DOCK3: variants seen among roughly 807,000 people sequenced by gnomAD.
DOCK3 encodes dedicator of cytokinesis 3.
DOCK3 carries 60 observed loss-of-function variants against 265.6 expected under a neutral mutation model. The observed-to-expected ratio is 0.23, with a 90% confidence interval of 0.18 to 0.28. The LOEUF is 0.28. Ranked by LOEUF, DOCK3 falls within the 10% of genes least tolerant of loss-of-function variation. The probability of loss-of-function intolerance (pLI) is 1.00; values close to 1 mark genes in which losing one functional copy is unlikely to be tolerated. For synonymous variants in DOCK3, 881 were observed against 938.0 expected, an observed-to-expected ratio of 0.94 and a Z score of 1.11; for missense variants, 1,981 against 2,594.3, an observed-to-expected ratio of 0.76 and a Z score of 5.14.
intron 1 of DOCK3, among the ~76,000 whole-genome samples, chr3:50,698,822 A>G (rs1216810263): frequency 6.6e-6 from 1 of 151,508 alleles, no homozygotes; most frequent in Non-Finnish European, 1.5e-5. Context: ...TTCACTGTTC[A>G]GTTCCTTTGC....
At chr3:50,692,225 G>T (rs1372301233) in intron 1 of DOCK3, among the ~76,000 whole-genome samples, 4 of 152,046 alleles carry the variant, frequency 2.6e-5, no homozygotes, top group African/African-American at 9.7e-5. Flanking sequence ...CCTCAATTTT[G>T]TTTTTGTTTT....
intron 5 of DOCK3, among the ~76,000 whole-genome samples, chr3:50,978,514 A>AGCT (rs769238842): frequency 6.6e-6 from 1 of 152,166 alleles, no homozygotes; most frequent in African/African-American, 2.4e-5. Context: ...TCAGATCTCC[A>AGCT]GCTGCGTACT....
intron 27 of DOCK3, among the ~76,000 whole-genome samples, chr3:51,287,670 AC>A (rs1421164417): frequency 2.0e-5 from 3 of 152,236 alleles, no homozygotes; most frequent in Non-Finnish European, 4.4e-5. Flanking sequence ...AAGAGGGAAC[AC>A]TTATACACTG....
intron 33 of DOCK3, among the ~76,000 whole-genome samples, chr3:51,331,105 G>T (rs1352328553): frequency 6.6e-6 from 1 of 152,160 alleles, no homozygotes. Context: ...CCTCCCACTT[G>T]AGAGATAAAG....
At chr3:51,015,286 A>G (rs2079107754) in intron 5 of DOCK3, among the ~76,000 whole-genome samples, 1 of 152,040 alleles carries the variant, frequency 6.6e-6, no homozygotes, top group South Asian at 2.1e-4. Context: ...TATGGCTTTT[A>G]CTGTGTTGAA....
chr3:50,783,858 A>G (rs949264793), intron 2 of DOCK3, among the ~76,000 whole-genome samples: 2 of 146,754 alleles, frequency 1.4e-5, no homozygotes, highest in Non-Finnish European at 3.0e-5. Context: ...TCTTTGATCC[A>G]TCTTGAGTTG....
intron 4 of DOCK3, among the ~76,000 whole-genome samples, chr3:50,912,677 C>G (rs183947135): frequency 2.8e-4 from 42 of 152,240 alleles, no homozygotes; most frequent in Non-Finnish European, 2.9e-5. Flanking sequence ...TCCCCCTTTT[C>G]CCTCCCTTTT....
intron 2 of DOCK3, among the ~76,000 whole-genome samples, chr3:50,780,862 A>G (rs1342673514): frequency 6.6e-6 from 1 of 151,898 alleles, no homozygotes; most frequent in Non-Finnish European, 1.5e-5. Flanking sequence ...TCCTTCATTC[A>G]GGTTTTTTTT....
At chr3:50,899,302 C>A (rs1263054395) in intron 4 of DOCK3, among the ~76,000 whole-genome samples, 1 of 152,016 alleles carries the variant, frequency 6.6e-6, no homozygotes, top group Non-Finnish European at 1.5e-5. Flanking sequence ...ACTGCAACCT[C>A]TGTTTTTTTC....
intron 5 of DOCK3, among the ~76,000 whole-genome samples, chr3:51,049,805 ACACACACACACACACACACACACC>A (rs1484993480): frequency 6.8e-6 from 1 of 146,552 alleles, no homozygotes; most frequent in Non-Finnish European, 1.5e-5. Flanking sequence ...ACACACACAC[ACACACACACACACACACACACACC>A]CCAAAAAAAC....
chr3:50,982,629 G>T (rs1465042771), intron 5 of DOCK3, among the ~76,000 whole-genome samples: 1 of 152,246 alleles, frequency 6.6e-6, no homozygotes, highest in Non-Finnish European at 1.5e-5. Flanking sequence ...ACAGGGAGGA[G>T]GTGGAGCTGG....
At chr3:51,302,496 G>T (rs892837469) in intron 27 of DOCK3, among the ~76,000 whole-genome samples, 29 of 151,788 alleles carry the variant, frequency 1.9e-4, no homozygotes, top group African/African-American at 6.3e-4. Flanking sequence ...TTGCAGACTT[G>T]TTGATGTAGT....
At chr3:51,341,157 C>T (rs2085211830) in intron 37 of DOCK3, 80 bp from the exon 38 acceptor site, 1 of 1,476,848 alleles carries the variant, frequency 6.8e-7, no homozygotes, top group Non-Finnish European at 9.0e-7. Flanking sequence ...TTCTGCCCAG[C>T]ATAGTCCTCT....
chr3:50,780,104 A>G (rs984334805), intron 2 of DOCK3, among the ~76,000 whole-genome samples: 1 of 152,222 alleles, frequency 6.6e-6, no homozygotes, highest in Non-Finnish European at 1.5e-5. Flanking sequence ...AGGGAGCTAC[A>G]CGTACCGTTT....
chr3:51,283,801 C>A (rs2081267607), intron 27 of DOCK3, among the ~76,000 whole-genome samples: 1 of 152,112 alleles, frequency 6.6e-6, no homozygotes, highest in Non-Finnish European at 1.5e-5. Context: ...ACAAAGGGGA[C>A]TGGCATATGT....
intron 4 of DOCK3, among the ~76,000 whole-genome samples, chr3:50,919,516 G>A (rs7653228): frequency 0.046 from 7,016 of 152,070 alleles, 582 homozygotes; most frequent in African/African-American, 0.16. Flanking sequence ...CTTTCAAGCA[G>A]TTGTGAATGG....
At chr3:51,142,563 C>G (rs1018759874) in intron 9 of DOCK3, among the ~76,000 whole-genome samples, 2 of 151,876 alleles carry the variant, frequency 1.3e-5, no homozygotes, top group African/African-American at 4.8e-5. Flanking sequence ...ATTATACATC[C>G]CAGTAGTTTG....
intron 9 of DOCK3, among the ~76,000 whole-genome samples, chr3:51,124,301 G>C (rs907574763): frequency 5.3e-5 from 8 of 152,214 alleles, no homozygotes; most frequent in African/African-American, 1.9e-4. Flanking sequence ...GGGCTAGGCT[G>C]TCCAATACAA....
At chr3:51,256,168 G>A (rs540252507) in intron 22 of DOCK3, among the ~76,000 whole-genome samples, 126 of 152,320 alleles carry the variant, frequency 8.3e-4, no homozygotes, top group Non-Finnish European at 1.3e-3. Context: ...TATCACCAGC[G>A]GAGGCTCAGC....
Sources: gnomAD v4.1 joint callset for allele counts (sites outside exome capture counted in the v4.1 genomes callset) on GRCh38, gnomAD v4.1.1 for gene constraint, MANE v1.5 for transcripts, NCBI Gene and HGNC (gene_info 2026-07-23, HGNC 2026-07-21) for gene names.